ARHGEF7: variants seen among roughly 807,000 people sequenced by gnomAD.
The protein encoded by ARHGEF7 is Rho guanine nucleotide exchange factor 7, also known as PAK-interacting exchange factor beta.
A neutral mutation model predicts 109.8 loss-of-function variants in ARHGEF7; 33 were observed. The observed-to-expected ratio is 0.30, with a 90% CI of 0.23 to 0.40. The LOEUF is 0.40. ARHGEF7 is among the 10% of genes least tolerant of loss of function. ARHGEF7 has a pLI of 1.00. For synonymous variants in ARHGEF7, 458 were observed against 424.6 expected (o/e 1.08, Z -0.97); for missense variants, 938 against 1,098.5 (o/e 0.85, Z 2.07).
At chr13:111,251,866 T>A (rs757834778) in intron 8 of ARHGEF7, among the ~76,000 whole-genome samples, 1 of 152,378 alleles carries the variant, frequency 6.6e-6, no homozygotes, top group South Asian at 2.1e-4. Flanking sequence ...CACTCATGCA[T>A]GCATGCATTC....
At chr13:111,218,910 C>A (rs1306335403) in intron 5 of ARHGEF7, among the ~76,000 whole-genome samples, 1 of 152,130 alleles carries the variant, frequency 6.6e-6, no homozygotes, top group Non-Finnish European at 1.5e-5. Flanking sequence ...TCTCAGTGAC[C>A]TCAGAAAACA....
chr13:111,280,940 TC>T (rs1292633734), intron 15 of ARHGEF7: 3 of 319,116 alleles, frequency 9.4e-6, no homozygotes, highest in Admixed American at 9.9e-5. Flanking sequence ...CTGCTTCTGC[TC>T]CGTGTGGCCC....
intron 1 of ARHGEF7, among the ~76,000 whole-genome samples, chr13:111,136,663 C>T (rs1041281145): frequency 2.6e-5 from 4 of 152,006 alleles, no homozygotes; most frequent in Admixed American, 6.6e-5. Context: ...AAACTGACAC[C>T]CTAACATCAC....
chr13:111,171,090 G>A (rs1460116126), intron 2 of ARHGEF7, among the ~76,000 whole-genome samples: 2 of 152,194 alleles, frequency 1.3e-5, no homozygotes, highest in African/African-American at 4.8e-5. Context: ...ACAAGGGCTT[G>A]AACTCAAATG....
intron 13 of ARHGEF7, among the ~76,000 whole-genome samples, chr13:111,278,324 C>G (rs2092603980): frequency 6.6e-6 from 1 of 152,114 alleles, no homozygotes; most frequent in East Asian, 1.9e-4. Context: ...TCTTCTTTTT[C>G]TGGGAAGTTA....
intron 3 of ARHGEF7, among the ~76,000 whole-genome samples, 200 bp from the exon 4 acceptor site, chr13:111,209,672 G>A (rs2082272517): frequency 2.0e-5 from 3 of 152,188 alleles, no homozygotes; most frequent in Admixed American, 2.0e-4. Flanking sequence ...GATAATTTCT[G>A]GAAAGGTAGT....
intron 2 of ARHGEF7, among the ~76,000 whole-genome samples, chr13:111,165,665 G>A (rs1420950190): frequency 6.6e-6 from 1 of 152,198 alleles, no homozygotes; most frequent in African/African-American, 2.4e-5. Flanking sequence ...ACTCAGTATA[G>A]CCAGGGTAGA....
intron 16 of ARHGEF7, 81 bp from the exon 17 acceptor site, chr13:111,286,066 C>G: frequency 8.7e-7 from 1 of 1,144,346 alleles, no homozygotes; most frequent in Non-Finnish European, 1.3e-6. Context: ...GGGTTTTATA[C>G]CTTTACAGCA....
At chr13:111,118,589 C>T (rs557476602) in intron 1 of ARHGEF7, among the ~76,000 whole-genome samples, 5 of 152,200 alleles carry the variant, frequency 3.3e-5, no homozygotes, top group South Asian at 2.1e-4. Context: ...ACACTCCTCC[C>T]GTGAGCAGAG....
intron 2 of ARHGEF7, among the ~76,000 whole-genome samples, chr13:111,201,822 C>CG (rs1181324404): frequency 6.6e-6 from 1 of 152,136 alleles, no homozygotes; most frequent in Admixed American, 6.5e-5. Flanking sequence ...CTTCCCACAA[C>CG]GTGCCGCATT....
In ARHGEF7 at chr13:111,266,431, T is replaced by A. The variant is rs1458899112; in HGVS notation, c.951-1117T>A. On this transcript the variant is annotated intron_variant, in intron 8 of 21. Coordinates refer to ENST00000646102, the MANE Select transcript of ARHGEF7 (RefSeq NM_001354046.2). This position sits in a 1 kb window ranked among gnomAD's most constrained non-coding sequence, Gnocchi z 4.8. ...GCCTTGCACTCTTTCTGTTTAGTCG[T>A]GTGATGATTTCTTTGATTGACTTCT... Among the ~76,000 whole-genome samples, 1 of 152,224 alleles carries A rather than the reference T, an allele frequency of 6.6e-6. No homozygotes were observed. The highest frequency in any genetic ancestry group is 1.5e-5 in the Non-Finnish European group (1 of 68,034).
chr13:111,141,068 T>C (rs187361102), intron 1 of ARHGEF7, among the ~76,000 whole-genome samples: 130 of 152,280 alleles, frequency 8.5e-4, no homozygotes, highest in Non-Finnish European at 4.0e-4. Flanking sequence ...CACTCCCTTC[T>C]TTCAGCCCAC....
At chr13:111,148,548 C>A (rs1293880056) in intron 1 of ARHGEF7, among the ~76,000 whole-genome samples, 1 of 152,202 alleles carries the variant, frequency 6.6e-6, no homozygotes, top group Non-Finnish European at 1.5e-5. Context: ...CTAAAACTGA[C>A]TAGCCTTAGA....
At chr13:111,169,987 G>C (rs924513033) in intron 2 of ARHGEF7, among the ~76,000 whole-genome samples, 8 of 152,230 alleles carry the variant, frequency 5.3e-5, no homozygotes, top group African/African-American at 7.2e-5. Flanking sequence ...GGTGATCAGA[G>C]CAGGCCCCTC....
At position 111,115,619 on chromosome 13, in the gene ARHGEF7, G is replaced by A. The variant is rs748086058; in HGVS notation, c.93G>A (p.Leu31=). Residue 31 remains leucine, a synonymous_variant, in exon 1 of 22, where the codon CTG becomes CTA. Transcript: ENST00000646102. ...KKTISDPEGF[L]QASLKDGVVL... ...CCATCTCGGACCCGGAGGGCTTTCTGCAGGCGTCGCTGAAGGATGGGGTGG... is the reference window on the plus strand; with the variant it reads ...CCATCTCGGACCCGGAGGGCTTTCTACAGGCGTCGCTGAAGGATGGGGTGG... 12 of 1,405,486 alleles carry A rather than the reference G, an allele frequency of 8.5e-6. 1 individual carries two copies. Among genetic ancestry groups the A allele is most frequent in the South Asian group, 1.4e-5 (1 of 71,542 alleles). The allele number at this position is 1,405,486 out of a possible 1,614,324, so 87.1% of individuals were successfully genotyped here.
At chr13:111,183,514 A>G (rs1207985244) in intron 2 of ARHGEF7, among the ~76,000 whole-genome samples, 1 of 152,304 alleles carries the variant, frequency 6.6e-6, no homozygotes, top group East Asian at 1.9e-4. Flanking sequence ...CGTCTTTTCT[A>G]ATCAAACCTC....
At chr13:111,149,759 T>C (rs984469389) in intron 1 of ARHGEF7, among the ~76,000 whole-genome samples, 2 of 152,190 alleles carry the variant, frequency 1.3e-5, no homozygotes, top group African/African-American at 2.4e-5. Flanking sequence ...ATGCACACAA[T>C]ACACATACAT....
intron 3 of ARHGEF7, among the ~76,000 whole-genome samples, chr13:111,206,968 AAAAAAAAG>A (rs1405390025): frequency 2.1e-5 from 3 of 139,690 alleles, no homozygotes; most frequent in South Asian, 2.4e-4. Flanking sequence ...TCTAAAAAAA[AAAAAAAAG>A]AAAAAGAAAA....
intron 19 of ARHGEF7, chr13:111,292,796 A>T (rs2093328875): frequency 1.0e-6 from 1 of 995,090 alleles, no homozygotes; most frequent in African/African-American, 1.7e-5. Flanking sequence ...TTGTGGAGAG[A>T]TGAGAAGAAT....
Sources: allele counts gnomAD v4.1 joint callset (sites outside exome capture counted in the v4.1 genomes callset), GRCh38; gene constraint gnomAD v4.1.1; non-coding constraint Gnocchi (gnomAD v3.1); transcripts MANE v1.5; gene names NCBI Gene and HGNC (gene_info 2026-07-23, HGNC 2026-07-21).